CDH13: variants seen among roughly 807,000 people sequenced by gnomAD.
CDH13 encodes cadherin-13.
A neutral mutation model predicts 63.8 loss-of-function variants in CDH13; 24 were observed. The observed-to-expected ratio is 0.38, with a 90% CI of 0.27 to 0.53. The LOEUF is 0.53. CDH13 is among the 20% of genes least tolerant of loss of function. The pLI is 0.85. For missense variants in CDH13, 1,049 were observed against 903.1 expected (o/e 1.16, Z -2.07); for synonymous variants, 503 against 355.3 (o/e 1.42, Z -4.67).
At chr16:83,491,700 G>C (rs1355900236) in intron 7 of CDH13, among the ~76,000 whole-genome samples, 1 of 151,432 alleles carries the variant, frequency 6.6e-6, no homozygotes, top group Non-Finnish European at 1.5e-5. Context: ...TTCTGTCTTT[G>C]TTTGAATTTG....
At chr16:83,322,409 G>C (rs546245920) in intron 5 of CDH13, among the ~76,000 whole-genome samples, 1 of 152,166 alleles carries the variant, frequency 6.6e-6, no homozygotes, top group Non-Finnish European at 1.5e-5. Flanking sequence ...AAACTAAAAC[G>C]AAAAGTTCTA....
intron 4 of CDH13, among the ~76,000 whole-genome samples, chr16:83,166,886 C>G (rs543725023): frequency 8.5e-5 from 13 of 152,282 alleles, no homozygotes; most frequent in African/African-American, 2.4e-4. Flanking sequence ...TGTTGCAAAT[C>G]TCCCAAATGT....
At chr16:83,780,846 C>T (rs1164658342) in intron 12 of CDH13, among the ~76,000 whole-genome samples, 1 of 152,204 alleles carries the variant, frequency 6.6e-6, no homozygotes, top group Non-Finnish European at 1.5e-5. Context: ...AGCTGTCTTT[C>T]CAGTCTCAGA....
At chr16:83,485,012 C>A (rs976328078) in intron 6 of CDH13, among the ~76,000 whole-genome samples, 1 of 152,172 alleles carries the variant, frequency 6.6e-6, no homozygotes, top group African/African-American at 2.4e-5. Context: ...GGTGCTGAAC[C>A]CCAAACATTC....
chr16:83,316,525 A>T (rs779261060), intron 5 of CDH13, among the ~76,000 whole-genome samples: 18 of 152,140 alleles, frequency 1.2e-4, no homozygotes, highest in Non-Finnish European at 2.4e-4. Flanking sequence ...GGGCAAATGT[A>T]GGGTAGTTGG....
At chr16:83,204,777 G>A (rs892945232) in intron 4 of CDH13, among the ~76,000 whole-genome samples, 1 of 152,202 alleles carries the variant, frequency 6.6e-6, no homozygotes, top group Admixed American at 6.5e-5. Context: ...GGTTAGGTGG[G>A]AACTGTGTTC....
At chr16:83,069,712 G>T (rs867687863) in intron 3 of CDH13, among the ~76,000 whole-genome samples, 1 of 152,064 alleles carries the variant, frequency 6.6e-6, no homozygotes, top group Non-Finnish European at 1.5e-5. Flanking sequence ...ACCCTGATTG[G>T]CTCTCCCCAA....
At chr16:83,001,413 A>G (rs998042017) in intron 2 of CDH13, among the ~76,000 whole-genome samples, 4 of 152,252 alleles carry the variant, frequency 2.6e-5, no homozygotes, top group Admixed American at 6.5e-5. Flanking sequence ...AATAGTGACC[A>G]ATAATGATAA....
intron 6 of CDH13, among the ~76,000 whole-genome samples, chr16:83,384,969 C>T (rs1048953341): frequency 6.6e-6 from 1 of 152,152 alleles, no homozygotes; most frequent in East Asian, 1.9e-4. Flanking sequence ...ATATTTTTAT[C>T]TCAAATAAGC....
intron 7 of CDH13, among the ~76,000 whole-genome samples, chr16:83,547,205 G>A (rs1286914802): frequency 6.6e-6 from 1 of 152,208 alleles, no homozygotes; most frequent in Non-Finnish European, 1.5e-5. Flanking sequence ...AGCTAAGAAG[G>A]AAAGGCAAAC....
intron 6 of CDH13, among the ~76,000 whole-genome samples, chr16:83,352,642 G>C (rs989820009): frequency 1.3e-5 from 2 of 152,210 alleles, no homozygotes; most frequent in African/African-American, 4.8e-5. Context: ...TATAATCCCA[G>C]CACTTAGGGA....
chr16:83,494,742 C>G (rs1405356953), intron 7 of CDH13, among the ~76,000 whole-genome samples: 1 of 152,198 alleles, frequency 6.6e-6, no homozygotes, highest in Non-Finnish European at 1.5e-5. Flanking sequence ...TAGACCATTT[C>G]AAGACATGAT....
intron 7 of CDH13, among the ~76,000 whole-genome samples, chr16:83,570,800 A>G (rs1374491239): frequency 7.3e-6 from 1 of 136,532 alleles, no homozygotes; most frequent in Admixed American, 8.0e-5. Context: ...TTTTATATTT[A>G]TAAATATATA....
intron 4 of CDH13, among the ~76,000 whole-genome samples, chr16:83,134,196 T>C (rs965001612): frequency 6.6e-6 from 1 of 152,064 alleles, no homozygotes; most frequent in Non-Finnish European, 1.5e-5. Context: ...CTTAGTAGAT[T>C]TGTTTTTTTT....
At chr16:83,073,742 C>A (rs1420272936) in intron 3 of CDH13, among the ~76,000 whole-genome samples, 2 of 151,840 alleles carry the variant, frequency 1.3e-5, no homozygotes, top group Non-Finnish European at 2.9e-5. Context: ...ATATAATATA[C>A]TTAGTATAAC....
intron 4 of CDH13, among the ~76,000 whole-genome samples, chr16:83,135,646 C>G (rs913387230): frequency 1.3e-5 from 2 of 152,170 alleles, no homozygotes; most frequent in Non-Finnish European, 2.9e-5. Context: ...ACTAGAACTA[C>G]CATTTGATCC....
At chr16:83,180,335 T>C (rs2038299331) in intron 4 of CDH13, among the ~76,000 whole-genome samples, 1 of 132,268 alleles carries the variant, frequency 7.6e-6, no homozygotes, top group South Asian at 2.3e-4. Context: ...GATGGATGTA[T>C]TTTTTTTTTC....
intron 3 of CDH13, among the ~76,000 whole-genome samples, chr16:83,059,245 A>G (rs1356161149): frequency 6.6e-6 from 1 of 152,200 alleles, no homozygotes; most frequent in Non-Finnish European, 1.5e-5. Flanking sequence ...ATCCACCTGA[A>G]AAATAGAGGG....
chr16:83,139,238 T>A (rs983404954), intron 4 of CDH13, among the ~76,000 whole-genome samples: 2 of 152,200 alleles, frequency 1.3e-5, no homozygotes, highest in East Asian at 1.9e-4. Context: ...GTGACAGGCT[T>A]GAGGGAACAC....
Sources: allele counts gnomAD v4.1 joint callset (sites outside exome capture counted in the v4.1 genomes callset), GRCh38; gene constraint gnomAD v4.1.1; transcripts MANE v1.5; gene names NCBI Gene and HGNC (gene_info 2026-07-23, HGNC 2026-07-21).